RBM19: variants seen among roughly 807,000 people sequenced by gnomAD.
RBM19 encodes the protein probable RNA-binding protein 19.
RBM19 carries 94 observed loss-of-function variants against 116.8 expected under a neutral mutation model. The observed-to-expected ratio is 0.80, with a 90% CI of 0.68 to 0.95. The LOEUF is 0.95. Among genes scored for constraint, RBM19 ranks in the 40% least tolerant of loss-of-function variants. The pLI, the probability that RBM19 is intolerant of heterozygous loss-of-function variation, is 0.00. For missense variants in RBM19, 1,161 were observed against 1,220.7 expected (o/e 0.95, Z 0.73); for synonymous variants, 475 against 494.1 (o/e 0.96, Z 0.51).
intron 22 of RBM19, among the ~76,000 whole-genome samples, chr12:113,845,249 GCTCTTGAAGGGGC>G (rs199630859): frequency 0.027 from 4,047 of 152,246 alleles, 95 homozygotes; most frequent in Non-Finnish European, 0.039. Context: ...CCCCCACGCT[GCTCTTGAAGGGGC>G]CCCTTCTGTC....
intron 7 of RBM19, among the ~76,000 whole-genome samples, 198 bp from the exon 8 acceptor site, chr12:113,952,788 T>C (rs1236922143): frequency 2.6e-5 from 4 of 152,324 alleles, no homozygotes; most frequent in African/African-American, 7.2e-5. Context: ...AAATGAGTAA[T>C]ATAAATATAA....
At chr12:113,896,253 C>G (rs948907534) in intron 21 of RBM19, among the ~76,000 whole-genome samples, 6 of 152,200 alleles carry the variant, frequency 3.9e-5, no homozygotes, top group African/African-American at 1.4e-4. Flanking sequence ...CCTGGGTCCA[C>G]CTATCTTCCC....
chr12:113,882,666 C>T (rs1045713573), intron 21 of RBM19, among the ~76,000 whole-genome samples: 1 of 152,184 alleles, frequency 6.6e-6, no homozygotes, highest in African/African-American at 2.4e-5. Context: ...GGGGCCCATG[C>T]CGAGCCCAGG....
At chr12:113,962,644 T>A (rs1390120284) in intron 1 of RBM19, among the ~76,000 whole-genome samples, 1 of 152,256 alleles carries the variant, frequency 6.6e-6, no homozygotes, top group African/African-American at 2.4e-5. Flanking sequence ...TGACTCATAA[T>A]GGCTGCAAAT....
chr12:113,878,432 T>A (rs116765608), intron 21 of RBM19, among the ~76,000 whole-genome samples: 1 of 152,228 alleles, frequency 6.6e-6, no homozygotes, highest in African/African-American at 2.4e-5. Context: ...AATGTGTCAT[T>A]TACCTGAGGG....
chr12:113,860,846 T>C (rs1179992542), intron 21 of RBM19, among the ~76,000 whole-genome samples: 1 of 152,154 alleles, frequency 6.6e-6, no homozygotes, highest in African/African-American at 2.4e-5. Flanking sequence ...TCACTGGACC[T>C]GTGTCAGTGA....
chr12:113,931,422 A>G (rs1484597741), intron 16 of RBM19, among the ~76,000 whole-genome samples: 1 of 152,078 alleles, frequency 6.6e-6, no homozygotes, highest in Non-Finnish European at 1.5e-5. Context: ...AAGAGTTGTT[A>G]TCTTTGCCAG....
intron 15 of RBM19, 43 bp from the exon 16 acceptor site, chr12:113,937,179 C>T: frequency 6.2e-7 from 1 of 1,609,778 alleles, no homozygotes; most frequent in South Asian, 1.1e-5. Context: ...TTCATTACAA[C>T]ACACTGCTGG....
chr12:113,905,207 T>C (rs1157092585), intron 21 of RBM19, among the ~76,000 whole-genome samples: 1 of 152,232 alleles, frequency 6.6e-6, no homozygotes, highest in Non-Finnish European at 1.5e-5. Flanking sequence ...ATATCAAGTC[T>C]ATTACAAAGC....
intron 22 of RBM19, among the ~76,000 whole-genome samples, chr12:113,858,087 C>T (rs563660397): frequency 2.2e-4 from 34 of 152,352 alleles, no homozygotes; most frequent in Admixed American, 3.3e-4. Flanking sequence ...CTCAATGCCA[C>T]GAGGGCAGTG....
intron 22 of RBM19, among the ~76,000 whole-genome samples, chr12:113,853,740 C>T (rs761502882): frequency 6.6e-6 from 1 of 152,182 alleles, no homozygotes; most frequent in Non-Finnish European, 1.5e-5. Flanking sequence ...GCTGCTGCCT[C>T]CTCAGTGAGG....
In RBM19 at chr12:113,947,393, A is replaced by G. The variant is rs1593634744; in HGVS notation, c.1348T>C (p.Phe450Leu). Residue 450 changes from phenylalanine to leucine, a missense_variant, in exon 11 of 24, where the codon TTC becomes CTC. Phe to Leu is a conservative substitution (Grantham distance 22). Coordinates refer to ENST00000261741, the MANE Select transcript of RBM19 (RefSeq NM_016196.4). ...TTCACAGCGTGCTCAGGGAACATGA[A>G]GGTGATGAATGCAAAACCCTTGGGT... ...KKPKGFAFITFMFPEHAVKAY... is the reference protein window; with the variant it reads ...KKPKGFAFITLMFPEHAVKAY... The G allele has an allele frequency of 6.2e-7, 1 of 1,611,758 alleles. No individual in the cohort carries two copies. The highest frequency in any genetic ancestry group is 2.2e-5 in the East Asian group (1 of 44,812).
At chr12:113,883,082 G>T (rs1447173524) in intron 21 of RBM19, among the ~76,000 whole-genome samples, 1 of 152,208 alleles carries the variant, frequency 6.6e-6, no homozygotes, top group African/African-American at 2.4e-5. Flanking sequence ...GACAGACAGA[G>T]AGAGGTTGTA....
chr12:113,937,112 C>A lies in RBM19; in HGVS notation c.1963G>T (p.Glu655Ter). The change falls in exon 16 of 24, where the codon GAG becomes TAG. Residue 655 changes from glutamate (E) to a stop codon, truncating the protein, a stop_gained. Coordinates refer to ENST00000261741, the MANE Select transcript of RBM19 (RefSeq NM_016196.4). LOFTEE classifies it high-confidence loss of function. ...GAGAAGACGCCAACTGGAGCCCACT[C>A]CAGATAGAGGGGGACATGATGGAAC... is the stretch of plus-strand genomic sequence containing the variant. ...SKFHHVPLYL[E>*]WAPVGVFSST... 1 of 1,614,072 alleles carries A rather than the reference C, an allele frequency of 6.2e-7. No individual in the cohort carries two copies. Among genetic ancestry groups the A allele is most frequent in the Non-Finnish European group, 8.5e-7 (1 of 1,179,986 alleles).
chr12:113,921,863 C>T (rs1868605468), intron 18 of RBM19, among the ~76,000 whole-genome samples: 2 of 152,198 alleles, frequency 1.3e-5, no homozygotes, highest in African/African-American at 4.8e-5. Context: ...CTATGCAGAT[C>T]CACTCTCCGC....
At chr12:113,918,569 G>A in intron 19 of RBM19, 122 bp from the exon 20 acceptor site, 1 of 973,848 alleles carries the variant, frequency 1.0e-6, no homozygotes, top group East Asian at 2.6e-5. Context: ...CCGGGGAGTG[G>A]GGCTAGCTGG....
intron 21 of RBM19, among the ~76,000 whole-genome samples, chr12:113,889,532 C>T (rs1484826658): frequency 6.6e-6 from 1 of 152,202 alleles, no homozygotes; most frequent in African/African-American, 2.4e-5. Flanking sequence ...CATTCTCCTG[C>T]AGTCACTCTG....
intron 1 of RBM19, 125 bp from the exon 2 acceptor site, chr12:113,962,539 G>T: frequency 1.1e-6 from 1 of 909,958 alleles, no homozygotes; most frequent in Non-Finnish European, 1.6e-6. Context: ...GGGGCAGAGT[G>T]TACTTTTCTA....
In RBM19 at chr12:113,846,067, C is replaced by T. The variant is rs375152870; in HGVS notation, c.2665-1279G>A. On this transcript the variant is annotated intron_variant, in intron 22 of 23. Transcript: ENST00000261741. Reference sequence around the variant, plus strand: ...CTTCTCGTTGCTGTTGTTTTGTTACCGTAGACATCACATTTGCAGCTGCTT... The same window carrying T: ...CTTCTCGTTGCTGTTGTTTTGTTACTGTAGACATCACATTTGCAGCTGCTT... 7.2e-5 allele frequency among the ~76,000 whole-genome samples: 11 copies of T among 152,276 alleles called. No homozygotes were observed. In the South Asian group the frequency reaches 1.9e-3, roughly 26 times the overall value.
Sources: allele counts gnomAD v4.1 joint callset (sites outside exome capture counted in the v4.1 genomes callset), GRCh38; gene constraint gnomAD v4.1.1; transcripts MANE v1.5; gene names NCBI Gene and HGNC (gene_info 2026-07-23, HGNC 2026-07-21).